Variants in ZNRF2 observed in about 807,000 individuals in gnomAD.
ZNRF2 encodes zinc and ring finger 2.
Under a neutral mutation model 20.4 loss-of-function variants are expected in ZNRF2, and 16 were observed. That is an observed-to-expected ratio of 0.79 (90% CI 0.53 to 1.19). The LOEUF (loss-of-function observed/expected upper bound fraction) is 1.19, where lower values mean the gene tolerates loss of function less well. Among genes scored for constraint, ZNRF2 ranks in the 50% most tolerant of loss-of-function variants. The pLI, the probability that ZNRF2 is intolerant of heterozygous loss-of-function variation, is 0.00. For synonymous variants in ZNRF2, 178 were observed against 144.9 expected, an observed-to-expected ratio of 1.23 and a Z score of -1.64; for missense variants, 363 against 332.4, an observed-to-expected ratio of 1.09 and a Z score of -0.72.
chr7:30,303,617 A>G (rs1052968355), intron 1 of ZNRF2, among the ~76,000 whole-genome samples: 25 of 152,224 alleles, frequency 1.6e-4, no homozygotes, highest in African/African-American at 5.1e-4. Flanking sequence ...TTCCTACTGG[A>G]AAAAGGTATC....
At position 30,302,854 on chromosome 7, in the gene ZNRF2, G is replaced by A. The variant is rs921317571; in HGVS notation, c.469+17028G>A. Among the ~76,000 whole-genome samples, 4 of 151,962 alleles carry A rather than the reference G, an allele frequency of 2.6e-5. No individual in the cohort carries two copies. The East Asian group carries it at 7.7e-4, about 29-fold the overall frequency. On this transcript the variant is annotated intron_variant, in intron 1 of 4. Transcript: ENST00000323037. ...CCAGGTGTGTGCCGTTAACTGTCAG[G>A]GCCCACAGAGCAAAATGCACTCTGG...
intron 2 of ZNRF2, among the ~76,000 whole-genome samples, chr7:30,351,309 C>A (rs1799958152): frequency 6.6e-6 from 1 of 151,948 alleles, no homozygotes; most frequent in Non-Finnish European, 1.5e-5. Context: ...CTCAGTTGCA[C>A]AGGCCACATT....
intron 1 of ZNRF2, among the ~76,000 whole-genome samples, chr7:30,288,074 T>G (rs1163616825): frequency 6.6e-6 from 1 of 152,180 alleles, no homozygotes; most frequent in Non-Finnish European, 1.5e-5. Flanking sequence ...TTTACCTATA[T>G]TTTAGTGGAC....
At chr7:30,293,634 T>C (rs186226111) in intron 1 of ZNRF2, among the ~76,000 whole-genome samples, 1 of 152,216 alleles carries the variant, frequency 6.6e-6, no homozygotes, top group South Asian at 2.1e-4. Context: ...AAATTGCTCA[T>C]TAGAGATGGA....
At chr7:30,313,661 GC>G (rs1047482046) in intron 1 of ZNRF2, among the ~76,000 whole-genome samples, 5 of 152,054 alleles carry the variant, frequency 3.3e-5, no homozygotes, top group African/African-American at 9.6e-5. Context: ...TTCTAGAATT[GC>G]CCCCGAGAAT....
chr7:30,345,790 G>T (rs1393450056), intron 2 of ZNRF2, among the ~76,000 whole-genome samples: 1 of 152,070 alleles, frequency 6.6e-6, no homozygotes, highest in Non-Finnish European at 1.5e-5. Context: ...TCAAGTCCTA[G>T]TTATTAGGAG....
intron 1 of ZNRF2, among the ~76,000 whole-genome samples, chr7:30,298,205 C>A (rs1280039556): frequency 6.6e-6 from 1 of 151,720 alleles, no homozygotes; most frequent in East Asian, 1.9e-4. Flanking sequence ...ATTACTGATA[C>A]GAATTTACAT....
chr7:30,306,512 G>A (rs965724852), intron 1 of ZNRF2, among the ~76,000 whole-genome samples: 15 of 152,138 alleles, frequency 9.9e-5, no homozygotes, highest in African/African-American at 3.1e-4. Flanking sequence ...CTGTTCATTT[G>A]TTTAGGATAA....
intron 1 of ZNRF2, among the ~76,000 whole-genome samples, chr7:30,292,624 G>A (rs1274915258): frequency 1.4e-4 from 22 of 151,982 alleles, no homozygotes; most frequent in Non-Finnish European, 5.9e-5. Context: ...ATTTTAAATC[G>A]GGTTTTAAGG....
At chr7:30,320,151 A>G (rs139308743) in intron 1 of ZNRF2, among the ~76,000 whole-genome samples, 284 of 152,138 alleles carry the variant, frequency 1.9e-3, no homozygotes, top group Non-Finnish European at 3.2e-3. Context: ...TTTTTTTCCA[A>G]GAGCTCTGAA....
At chr7:30,348,799 G>T (rs183037847) in intron 2 of ZNRF2, among the ~76,000 whole-genome samples, 1 of 152,282 alleles carries the variant, frequency 6.6e-6, no homozygotes, top group South Asian at 2.1e-4. Context: ...AAGATGAGCT[G>T]CATCTTTAGG....
At chr7:30,319,975 AGTT>A (rs1257672952) in intron 1 of ZNRF2, among the ~76,000 whole-genome samples, 2 of 152,160 alleles carry the variant, frequency 1.3e-5, no homozygotes, top group African/African-American at 4.8e-5. Flanking sequence ...TAATTCCTAT[AGTT>A]GTTTACACAT....
intron 1 of ZNRF2, among the ~76,000 whole-genome samples, chr7:30,293,331 C>A (rs796846428): frequency 6.6e-6 from 1 of 151,634 alleles, no homozygotes; most frequent in East Asian, 1.9e-4. Flanking sequence ...TCACTGCAAC[C>A]TCTGCCTCCC....
At chr7:30,296,785 T>C in intron 1 of ZNRF2, among the ~76,000 whole-genome samples, 1 of 152,248 alleles carries the variant, frequency 6.6e-6, no homozygotes, top group East Asian at 1.9e-4. Context: ...TTAATATTAT[T>C]ATTGGCCACT....
chr7:30,314,519 C>CA (rs1320832371), intron 1 of ZNRF2, among the ~76,000 whole-genome samples: 1 of 150,380 alleles, frequency 6.6e-6, no homozygotes, highest in Non-Finnish European at 1.5e-5. Flanking sequence ...GTGGAGGAGA[C>CA]AAAAAAGATG....
chr7:30,334,169 TATATAATAAA>T, intron 2 of ZNRF2, among the ~76,000 whole-genome samples: 1 of 152,296 alleles, frequency 6.6e-6, no homozygotes, highest in East Asian at 1.9e-4. Context: ...TGAATTTTGT[TATATAATAAA>T]AGGTAGGGGT....
At chr7:30,306,360 C>A (rs562714411) in intron 1 of ZNRF2, among the ~76,000 whole-genome samples, 7 of 151,514 alleles carry the variant, frequency 4.6e-5, no homozygotes, top group Non-Finnish European at 7.4e-5. Context: ...CTGCAAGTTG[C>A]CTTAAATGGT....
intron 2 of ZNRF2, among the ~76,000 whole-genome samples, chr7:30,354,711 A>C (rs1800010656): frequency 6.6e-6 from 1 of 152,138 alleles, no homozygotes; most frequent in African/African-American, 2.4e-5. Flanking sequence ...TTTTATTTTG[A>C]AAAGCAGTAA....
chr7:30,285,909 T>C, intron 1 of ZNRF2, 83 bp downstream of exon 1: 1 of 1,333,864 alleles, frequency 7.5e-7, no homozygotes. Flanking sequence ...TTTACCCTTC[T>C]CCTTTTCTCC....
Sources: gnomAD v4.1 joint callset for allele counts (sites outside exome capture counted in the v4.1 genomes callset) on GRCh38, gnomAD v4.1.1 for gene constraint, MANE v1.5 for transcripts, NCBI Gene and HGNC (gene_info 2026-07-23, HGNC 2026-07-21) for gene names.